Variants in NINJ2 observed in about 807,000 individuals in gnomAD.
The protein encoded by NINJ2 is ninjurin 2.
NINJ2 carries 12 observed loss-of-function variants against 11.7 expected under a neutral mutation model. The ratio of observed to expected loss-of-function variants is 1.02; its 90% CI spans 0.66 to 1.66. NINJ2 has a LOEUF of 1.66. Ranked by LOEUF, NINJ2 falls within the 40% of genes most tolerant of loss-of-function variation. The pLI is 0.00. For synonymous variants in NINJ2, 93 were observed against 76.8 expected (o/e 1.21, Z -1.10); for missense variants, 187 against 181.8 (o/e 1.03, Z -0.16).
chr12:565,035 C>T (rs1947272987), intron 3 of NINJ2, among the ~76,000 whole-genome samples, 182 bp downstream of exon 3: 1 of 152,248 alleles, frequency 6.6e-6, no homozygotes, highest in Admixed American at 6.5e-5. Flanking sequence ...ATTAACACAG[C>T]AGTGGGGCTT....
Position 580,563 on chromosome 12 carries a change from C to T in NINJ2, c.34-14385G>A, listed in dbSNP as rs1301125896. ...GATCACACCACTGCACTCCAGCCTG[C>T]ATGACAGAGAGAGACCCTGTCTCAA... On this transcript the variant is annotated intron_variant, in intron 1 of 3. Transcript: ENST00000305108. This position sits in a 1 kb window ranked among gnomAD's most constrained non-coding sequence, Gnocchi z 4.7. Among the ~76,000 whole-genome samples the T allele has an allele frequency of 1.4e-5, 2 of 147,674 alleles. No homozygotes were observed. The highest frequency in any genetic ancestry group is 5.1e-5 in the African/African-American group (2 of 39,420).
chr12:656,498 C>A lies in NINJ2; in HGVS notation c.33+6830G>T, dbSNP rs1379338452. ...AGGCATGGTGGCTCACACCTGTAATCCCAGCACTTTGGGAGGTAGGGTCTG... is the reference window on the plus strand; with the variant it reads ...AGGCATGGTGGCTCACACCTGTAATACCAGCACTTTGGGAGGTAGGGTCTG... On this transcript the variant is annotated intron_variant, in intron 1 of 3. Transcript: ENST00000305108. 3.3e-3 allele frequency among the ~76,000 whole-genome samples: 495 copies of A among 152,116 alleles called. 16 individuals are homozygous for A. Among genetic ancestry groups the A allele is most frequent in the East Asian group, 0.032 (164 of 5,170 alleles).
intron 1 of NINJ2, among the ~76,000 whole-genome samples, chr12:577,448 T>TATACATATATATATATACATATATATGTA: frequency 7.0e-6 from 1 of 141,944 alleles, no homozygotes; most frequent in Non-Finnish European, 1.5e-5. Flanking sequence ...TATATAAATA[T>TATACATATATATATATACATATATATGTA]TTTGGCACGA....
intron 1 of NINJ2, among the ~76,000 whole-genome samples, chr12:606,200 G>A (rs1185681270): frequency 2.0e-5 from 3 of 151,780 alleles, no homozygotes; most frequent in Non-Finnish European, 4.4e-5. Context: ...GGAATATTCG[G>A]AAACCAAAGA....
At chr12:572,384 G>A (rs1026386676) in intron 1 of NINJ2, among the ~76,000 whole-genome samples, 1 of 152,218 alleles carries the variant, frequency 6.6e-6, no homozygotes, top group African/African-American at 2.4e-5. Context: ...GCCTCAAAAT[G>A]ACCGACTGCC....
At chr12:661,759 T>A (rs1049848428) in intron 1 of NINJ2, among the ~76,000 whole-genome samples, 14 of 152,332 alleles carry the variant, frequency 9.2e-5, no homozygotes, top group African/African-American at 2.9e-4. Flanking sequence ...AAACACATAC[T>A]AGGGACAGAA....
At chr12:620,660 T>C (rs1948143280) in intron 1 of NINJ2, among the ~76,000 whole-genome samples, 1 of 151,614 alleles carries the variant, frequency 6.6e-6, no homozygotes, top group Non-Finnish European at 1.5e-5. Context: ...GACAGAGTCT[T>C]ACTCTGTCAC....
At chr12:607,759 A>G (rs1947959077) in intron 1 of NINJ2, among the ~76,000 whole-genome samples, 3 of 152,120 alleles carry the variant, frequency 2.0e-5, no homozygotes, top group South Asian at 2.1e-4. Flanking sequence ...GCAGCTCCAA[A>G]TTGCTTTTTC....
intron 1 of NINJ2, among the ~76,000 whole-genome samples, chr12:576,580 A>G (rs2535424): frequency 0.44 from 66,935 of 152,038 alleles, 15,113 homozygotes; most frequent in East Asian, 0.61. Context: ...CTGCAGCCTC[A>G]ACCTCGGGGC....
chr12:594,745 C>A (rs181937480), intron 1 of NINJ2, among the ~76,000 whole-genome samples: 2 of 152,180 alleles, frequency 1.3e-5, no homozygotes, highest in Admixed American at 6.5e-5. Flanking sequence ...GTCAAGACAT[C>A]GGTTCTTCCT....
At chr12:602,735 T>C (rs1286915228) in intron 1 of NINJ2, among the ~76,000 whole-genome samples, 1 of 152,226 alleles carries the variant, frequency 6.6e-6, no homozygotes, top group Admixed American at 6.5e-5. Context: ...AGTAGGAGAT[T>C]CCAGTTTCTC....
chr12:613,677 G>A (rs56061480), intron 1 of NINJ2, among the ~76,000 whole-genome samples: 11,422 of 151,982 alleles, frequency 0.075, 553 homozygotes, highest in Middle Eastern at 0.12. Flanking sequence ...AGGCTGAGGC[G>A]GGCAGATCAC....
At chr12:620,749 C>T (rs1373856069) in intron 1 of NINJ2, among the ~76,000 whole-genome samples, 1 of 152,154 alleles carries the variant, frequency 6.6e-6, no homozygotes, top group African/African-American at 2.4e-5. Flanking sequence ...CCTGCCTCAG[C>T]CTCCGGAGTA....
intron 1 of NINJ2, among the ~76,000 whole-genome samples, chr12:647,951 T>C (rs1937714746): frequency 6.6e-6 from 1 of 152,210 alleles, no homozygotes; most frequent in South Asian, 2.1e-4. Flanking sequence ...CTTCCTGAGC[T>C]TCACTTCTGC....
At chr12:610,201 A>C in intron 1 of NINJ2, 1 of 714,246 alleles carries the variant, frequency 1.4e-6, no homozygotes, top group Non-Finnish European at 2.4e-6. Context: ...GCACACACAC[A>C]TTGCCAGACA....
intron 1 of NINJ2, among the ~76,000 whole-genome samples, chr12:602,152 G>A (rs997870087): frequency 6.6e-6 from 1 of 152,212 alleles, no homozygotes; most frequent in Admixed American, 6.5e-5. Context: ...GAGAACTGCA[G>A]ACTGAGCCAT....
rs191068748 is a variant in NINJ2, at chr12:620,881, C to T, written c.33+42447G>A. ...CTGACCTCAGGTGATCCACCCACCT[C>T]GGCCTCCCAGAGTGCTGGGATTACA... is the stretch of plus-strand genomic sequence containing the variant. On this transcript the variant is annotated intron_variant, in intron 1 of 3. Transcript: ENST00000305108. Among the ~76,000 whole-genome samples, 194 of 152,232 alleles carry T rather than the reference C, an allele frequency of 1.3e-3. 3 individuals are homozygous for T. The highest frequency in any genetic ancestry group is 1.8e-3 in the Non-Finnish European group (120 of 68,006).
chr12:648,976 A>G (rs1565648578), intron 1 of NINJ2, among the ~76,000 whole-genome samples: 1 of 39,304 alleles, frequency 2.5e-5, no homozygotes. Context: ...GAAGTCATCC[A>G]CCTATCTATC....
intron 1 of NINJ2, among the ~76,000 whole-genome samples, chr12:574,026 A>C (rs563810588): frequency 6.6e-6 from 1 of 152,206 alleles, no homozygotes; most frequent in East Asian, 1.9e-4. Flanking sequence ...GTTCGAGACC[A>C]GCCTGGCCAA....
Sources: gnomAD v4.1 joint callset for allele counts (sites outside exome capture counted in the v4.1 genomes callset) on GRCh38, gnomAD v4.1.1 for gene constraint, Gnocchi (gnomAD v3.1) non-coding constraint, MANE v1.5 for transcripts, NCBI Gene and HGNC (gene_info 2026-07-23, HGNC 2026-07-21) for gene names.